The following PDIA5 variants were observed in gnomAD, a reference collection of about 807,000 sequenced individuals.
The protein encoded by PDIA5 is protein disulfide isomerase family A member 5.
A neutral mutation model predicts 77.6 loss-of-function variants in PDIA5; 58 were observed. That is an observed-to-expected ratio of 0.75 (90% CI 0.61 to 0.93). The LOEUF (loss-of-function observed/expected upper bound fraction) is 0.93, where lower values mean the gene tolerates loss of function less well. PDIA5 is among the 40% of genes least tolerant of loss of function. The pLI, the probability that PDIA5 is intolerant of heterozygous loss-of-function variation, is 0.00. For missense variants in PDIA5, 630 were observed against 647.7 expected, an observed-to-expected ratio of 0.97 and a Z score of 0.30; for synonymous variants, 250 against 252.1, an observed-to-expected ratio of 0.99 and a Z score of 0.08.
At chr3:123,092,531 T>A in intron 3 of PDIA5, 89 bp downstream of exon 3, 3 of 950,596 alleles carry the variant, frequency 3.2e-6, no homozygotes, top group Non-Finnish European at 5.1e-6. Flanking sequence ...GTCTCTTGAT[T>A]AATAATCTGG....
chr3:123,123,946 G>A (rs1372495728), intron 8 of PDIA5, 120 bp from the exon 9 acceptor site: 5 of 699,316 alleles, frequency 7.1e-6, no homozygotes, highest in South Asian at 1.6e-5. Context: ...ATGCACATCA[G>A]TCTGTGGGGC....
At chr3:123,160,041 G>A (rs1356415259) in intron 15 of PDIA5, among the ~76,000 whole-genome samples, 1 of 152,150 alleles carries the variant, frequency 6.6e-6, no homozygotes, top group Non-Finnish European at 1.5e-5. Flanking sequence ...AGCATTCATT[G>A]AGCTCTATCT....
chr3:123,077,423 T>A (rs1933883278), intron 1 of PDIA5, among the ~76,000 whole-genome samples: 1 of 152,274 alleles, frequency 6.6e-6, no homozygotes, highest in Middle Eastern at 3.4e-3. Flanking sequence ...GATCCTCTCT[T>A]GGGTTCTGTT....
chr3:123,112,099 C>T (rs749603831), intron 7 of PDIA5, among the ~76,000 whole-genome samples: 27 of 152,148 alleles, frequency 1.8e-4, no homozygotes, highest in Non-Finnish European at 2.9e-4. Context: ...ATTCACTGTC[C>T]GGGCACCTCC....
chr3:123,104,205 T>A (rs907877390), intron 5 of PDIA5, among the ~76,000 whole-genome samples: 9 of 152,148 alleles, frequency 5.9e-5, no homozygotes, highest in African/African-American at 2.2e-4. Flanking sequence ...AAGAAGTGGC[T>A]GAGCATCGTA....
Position 123,146,180 on chromosome 3 carries a change from T to C in PDIA5, c.1063T>C (p.Leu355=). Residue 355 remains leucine (L), a synonymous_variant, in exon 13 of 17, where the codon TTG becomes CTG. Coordinates refer to ENST00000316218, the MANE Select transcript of PDIA5 (RefSeq NM_006810.4). Reference sequence around the variant, plus strand: ...ATTCCACATCTCAGAGTTTCCTACGTTGAAGTATTTTAAGAATGGAGAGAA... The same window carrying C: ...ATTCCACATCTCAGAGTTTCCTACGCTGAAGTATTTTAAGAATGGAGAGAA... ...ERFHISEFPT[L]KYFKNGEKYA... 1.9e-6 allele frequency: 3 copies of C among 1,614,046 alleles called. No individual in the cohort carries two copies. The highest frequency in any genetic ancestry group is 2.2e-5 in the South Asian group (2 of 91,084).
At chr3:123,081,565 A>C (rs763256363) in intron 1 of PDIA5, among the ~76,000 whole-genome samples, 9 of 152,088 alleles carry the variant, frequency 5.9e-5, no homozygotes, top group Non-Finnish European at 1.3e-4. Context: ...ACTAAATTAA[A>C]CCTGTTTCTT....
intron 3 of PDIA5, among the ~76,000 whole-genome samples, chr3:123,095,890 C>T (rs1392282488): frequency 6.6e-6 from 1 of 152,094 alleles, no homozygotes; most frequent in East Asian, 1.9e-4. Context: ...CTCTGGGCTT[C>T]AATTGAATCT....
At chr3:123,093,055 C>A (rs1934340938) in intron 3 of PDIA5, among the ~76,000 whole-genome samples, 1 of 152,166 alleles carries the variant, frequency 6.6e-6, no homozygotes, top group Admixed American at 6.5e-5. Context: ...GGCACCCACT[C>A]CAGTGTAATC....
intron 1 of PDIA5, 76 bp from the exon 2 acceptor site, chr3:123,089,092 C>A: frequency 2.8e-6 from 4 of 1,438,916 alleles, no homozygotes; most frequent in Non-Finnish European, 3.8e-6. Context: ...CTCTAGGCAG[C>A]ACATCCATGG....
chr3:123,131,686 T>C lies in PDIA5; in HGVS notation c.910+1070T>C, dbSNP rs543898354. 2.7e-5 allele frequency among the ~76,000 whole-genome samples: 4 copies of C among 150,886 alleles called. No individual in the cohort carries two copies. In the East Asian group the frequency reaches 7.8e-4, roughly 30 times the overall value. Reference sequence around the variant, plus strand: ...AATCAAGGAAGTAAAATCCTGTAAATGCTATCAAACGTGCTTGCGATAAGG... The same window carrying C: ...AATCAAGGAAGTAAAATCCTGTAAACGCTATCAAACGTGCTTGCGATAAGG... On this transcript the variant is annotated intron_variant, in intron 11 of 16. Transcript: ENST00000316218.
chr3:123,114,108 C>T (rs1041347924), intron 7 of PDIA5, among the ~76,000 whole-genome samples: 8 of 152,196 alleles, frequency 5.3e-5, no homozygotes, highest in Admixed American at 2.0e-4. Context: ...GACAACTGGC[C>T]GACTTATCCT....
chr3:123,150,879 A>G (rs1435549801), intron 14 of PDIA5, among the ~76,000 whole-genome samples: 1 of 152,204 alleles, frequency 6.6e-6, no homozygotes, highest in Non-Finnish European at 1.5e-5. Context: ...GTCTGCCGAC[A>G]TTGGCATCGG....
intron 14 of PDIA5, among the ~76,000 whole-genome samples, chr3:123,151,765 T>TGCCTG (rs1553805758): frequency 1.1e-4 from 15 of 139,140 alleles, no homozygotes; most frequent in Admixed American, 1.1e-3. Flanking sequence ...CCTGCCTGCC[T>TGCCTG]GCCTGCCTGC....
At chr3:123,077,605 G>GGACTCAT (rs1034151892) in intron 1 of PDIA5, among the ~76,000 whole-genome samples, 2 of 150,734 alleles carry the variant, frequency 1.3e-5, no homozygotes, top group Non-Finnish European at 3.0e-5. Context: ...CACCATTCAG[G>GGACTCAT]GACTCATGTT....
At chr3:123,121,672 A>G (rs1230307374) in intron 8 of PDIA5, among the ~76,000 whole-genome samples, 3 of 152,188 alleles carry the variant, frequency 2.0e-5, no homozygotes, top group African/African-American at 7.2e-5. Context: ...AGCCTCAGTA[A>G]GGGGACTGGA....
chr3:123,161,658 G>C (rs903359028), intron 16 of PDIA5: 2 of 659,070 alleles, frequency 3.0e-6, no homozygotes, highest in East Asian at 5.4e-5. Context: ...CAGATGTCCT[G>C]TCCCCAGAGG....
chr3:123,155,543 G>A (rs538606085), intron 15 of PDIA5, among the ~76,000 whole-genome samples: 38 of 152,282 alleles, frequency 2.5e-4, no homozygotes, highest in Middle Eastern at 3.4e-3. Context: ...GCCTCCAGGC[G>A]CGTCCCCCAG....
At chr3:123,121,178 G>A (rs56338354) in intron 8 of PDIA5, among the ~76,000 whole-genome samples, 2,244 of 152,252 alleles carry the variant, frequency 0.015, 51 homozygotes, top group African/African-American at 0.049. Flanking sequence ...CATTTCTTGG[G>A]CCACATCTTT....
Sources: gnomAD v4.1 joint callset for allele counts (sites outside exome capture counted in the v4.1 genomes callset) on GRCh38, gnomAD v4.1.1 for gene constraint, MANE v1.5 for transcripts, NCBI Gene and HGNC (gene_info 2026-07-23, HGNC 2026-07-21) for gene names.